Variants in SNX7 observed in about 807,000 individuals in gnomAD.
SNX7 encodes sorting nexin-7.
SNX7 carries 35 observed loss-of-function variants against 48.4 expected under a neutral mutation model. The observed-to-expected ratio is 0.72, with a 90% confidence interval of 0.55 to 0.96. The LOEUF is 0.96. SNX7 is among the 40% of genes least tolerant of loss of function. The pLI is 0.00. For synonymous variants in SNX7, 190 were observed against 190.2 expected (o/e 1.00, Z 0.01); for missense variants, 553 against 548.9 (o/e 1.01, Z -0.07).
intron 7 of SNX7, among the ~76,000 whole-genome samples, chr1:98,704,241 A>C (rs1651904593): frequency 6.6e-6 from 1 of 152,214 alleles, no homozygotes; most frequent in South Asian, 2.1e-4. Flanking sequence ...TGTAGCTGCT[A>C]CATTGTAAGA....
At chr1:98,675,589 G>C (rs1317859562) in intron 1 of SNX7, among the ~76,000 whole-genome samples, 9 of 152,198 alleles carry the variant, frequency 5.9e-5, no homozygotes, top group Admixed American at 5.9e-4. Context: ...AAAAGAAGTA[G>C]GCTGTGGTGA....
intron 1 of SNX7, among the ~76,000 whole-genome samples, chr1:98,667,785 T>G (rs1041027552): frequency 1.3e-5 from 2 of 152,018 alleles, no homozygotes; most frequent in African/African-American, 4.8e-5. Flanking sequence ...ATGCGTCAGA[T>G]TTTTCATCTG....
intron 8 of SNX7, 59 bp from the exon 9 acceptor site, chr1:98,759,995 C>A: frequency 7.2e-6 from 8 of 1,106,558 alleles, no homozygotes; most frequent in Non-Finnish European, 9.7e-6. Flanking sequence ...ATTTATTAAT[C>A]CTTTAACACT....
At chr1:98,755,960 TTTTA>T (rs1382529889) in intron 8 of SNX7, among the ~76,000 whole-genome samples, 2 of 152,064 alleles carry the variant, frequency 1.3e-5, no homozygotes, top group Non-Finnish European at 2.9e-5. Flanking sequence ...TCTTGCTGTG[TTTTA>T]TTTGTTCTGT....
intron 1 of SNX7, chr1:98,662,770 T>C: frequency 7.8e-7 from 1 of 1,289,380 alleles, no homozygotes; most frequent in Non-Finnish European, 1.0e-6. Flanking sequence ...AACGCTGTAT[T>C]CATTACTAAG....
At chr1:98,740,065 C>G (rs894703924) in intron 8 of SNX7, among the ~76,000 whole-genome samples, 3 of 152,040 alleles carry the variant, frequency 2.0e-5, no homozygotes, top group African/African-American at 7.2e-5. Context: ...TGGAACAGAT[C>G]CATGGTTTTG....
intron 7 of SNX7, among the ~76,000 whole-genome samples, chr1:98,703,725 T>G (rs181664563): frequency 1.2e-3 from 180 of 151,996 alleles, no homozygotes; most frequent in African/African-American, 4.0e-3. Context: ...TAACTATATA[T>G]AGAGAGAGAG....
At chr1:98,679,976 A>T (rs1471218661) in intron 1 of SNX7, among the ~76,000 whole-genome samples, 2 of 151,920 alleles carry the variant, frequency 1.3e-5, no homozygotes, top group Non-Finnish European at 2.9e-5. Context: ...CCCAGTAGGG[A>T]CTCTGTGTGG....
chr1:98,753,745 A>AG (rs1476940258), intron 8 of SNX7, among the ~76,000 whole-genome samples: 2 of 152,074 alleles, frequency 1.3e-5, no homozygotes, highest in African/African-American at 4.8e-5. Context: ...AAGGAAACTG[A>AG]GGGCTTTTCT....
Position 98,698,874 on chromosome 1 carries a change from A to G in SNX7, c.1007A>G (p.His336Arg), listed in dbSNP as rs1440246546. The change falls in exon 6 of 9, where the codon CAT becomes CGT. Residue 336 changes from histidine to arginine, a missense_variant. Coordinates refer to ENST00000306121, the MANE Select transcript of SNX7 (RefSeq NM_015976.5). ...TCAGAGGCCCTGCTTCCTGTTGTAC[A>G]TGAGTACGTGCTTTATAGTGAAATG... ...GLSEALLPVVHEYVLYSEMLM... is the reference protein window; with the variant it reads ...GLSEALLPVVREYVLYSEMLM... 3.1e-6 allele frequency: 5 copies of G among 1,613,790 alleles called. No individual in the cohort carries two copies. Among genetic ancestry groups the G allele is most frequent in the Admixed American group, 1.7e-5 (1 of 59,992 alleles).
At chr1:98,679,833 G>C (rs1399311670) in intron 1 of SNX7, among the ~76,000 whole-genome samples, 1 of 152,186 alleles carries the variant, frequency 6.6e-6, no homozygotes, top group African/African-American at 2.4e-5. Context: ...CCTCCCATCT[G>C]TCTGCTTTCA....
At chr1:98,751,784 A>G (rs766514932) in intron 8 of SNX7, among the ~76,000 whole-genome samples, 1 of 152,124 alleles carries the variant, frequency 6.6e-6, no homozygotes, top group Non-Finnish European at 1.5e-5. Flanking sequence ...TGTAAAATGA[A>G]ATTACCTGAT....
intron 7 of SNX7, among the ~76,000 whole-genome samples, chr1:98,704,808 T>C (rs1275989098): frequency 1.3e-5 from 2 of 152,122 alleles, no homozygotes; most frequent in African/African-American, 2.4e-5. Flanking sequence ...CACCTTTGGG[T>C]GGGATGCTAC....
chr1:98,695,628 C>G lies in SNX7; in HGVS notation c.750C>G (p.Phe250Leu), dbSNP rs35391040. ...MRGVKNRPEE[F>L]MEMNNFIELF... ...GAGTTAAAAACCGCCCAGAGGAGTTCATGGAAATGAATAACTTTATTGAAC... is the reference window on the plus strand; with the variant it reads ...GAGTTAAAAACCGCCCAGAGGAGTTGATGGAAATGAATAACTTTATTGAAC... Residue 250 changes from phenylalanine (F) to leucine (L), a missense_variant, in exon 5 of 9, where the codon TTC (phenylalanine) becomes TTG (leucine). Coordinates refer to ENST00000306121, the MANE Select transcript of SNX7 (RefSeq NM_015976.5). 1 of 1,613,164 alleles carries G rather than the reference C, an allele frequency of 6.2e-7. No individual in the cohort carries two copies. Among genetic ancestry groups the G allele is most frequent in the East Asian group, 2.2e-5 (1 of 44,866 alleles).
intron 1 of SNX7, among the ~76,000 whole-genome samples, chr1:98,679,004 C>A (rs530856331): frequency 1.3e-5 from 2 of 152,280 alleles, no homozygotes; most frequent in South Asian, 4.1e-4. Context: ...GCAATTCCAG[C>A]ACTCTGGCAG....
intron 1 of SNX7, among the ~76,000 whole-genome samples, chr1:98,668,463 G>T (rs1649663848): frequency 6.6e-6 from 1 of 152,182 alleles, no homozygotes; most frequent in Admixed American, 6.5e-5. Flanking sequence ...GGATTCTTTG[G>T]AATACTGTGT....
chr1:98,675,394 C>G (rs551925542), intron 1 of SNX7, among the ~76,000 whole-genome samples: 51 of 152,036 alleles, frequency 3.4e-4, no homozygotes, highest in Non-Finnish European at 5.1e-4. Context: ...CTACTGAAAT[C>G]TTGGATGTTG....
At position 98,719,629 on chromosome 1, in the gene SNX7, AT is replaced by A. The variant is rs1166726013; in HGVS notation, c.1125+17732del. ...GTCTTTATTTTTTATTTATATTGTAATTTTTTGTACTGATTTTTACTAGCAG... is the reference window on the plus strand; with the variant it reads ...GTCTTTATTTTTTATTTATATTGTAATTTTTGTACTGATTTTTACTAGCAG... On this transcript the variant is annotated intron_variant, in intron 7 of 8. Coordinates refer to ENST00000306121, the MANE Select transcript of SNX7 (RefSeq NM_015976.5). 1.3e-5 allele frequency among the ~76,000 whole-genome samples: 2 copies of A among 151,348 alleles called. 1 individual carries two copies. Among genetic ancestry groups the A allele is most frequent in the Non-Finnish European group, 2.9e-5 (2 of 67,854 alleles).
At chr1:98,720,147 A>G (rs1652789564) in intron 7 of SNX7, among the ~76,000 whole-genome samples, 1 of 151,808 alleles carries the variant, frequency 6.6e-6, no homozygotes, top group Non-Finnish European at 1.5e-5. Flanking sequence ...AATATGTTTG[A>G]TAAATGGCAG....
Sources: gnomAD v4.1 joint callset for allele counts (sites outside exome capture counted in the v4.1 genomes callset) on GRCh38, gnomAD v4.1.1 for gene constraint, MANE v1.5 for transcripts, NCBI Gene and HGNC (gene_info 2026-07-23, HGNC 2026-07-21) for gene names.